PLCG1: variants seen among roughly 807,000 people sequenced by gnomAD.
The protein encoded by PLCG1 is phospholipase C gamma 1, also known as 1-phosphatidylinositol 4,5-bisphosphate phosphodiesterase gamma-1.
Under a neutral mutation model 177.8 loss-of-function variants are expected in PLCG1, and 71 were observed. That is an observed-to-expected ratio of 0.40 (90% confidence interval 0.33 to 0.49). The LOEUF (loss-of-function observed/expected upper bound fraction) is 0.49, where lower values mean the gene tolerates loss of function less well. Ranked by LOEUF, PLCG1 falls within the 20% of genes least tolerant of loss-of-function variation. The pLI is 0.72. For missense variants in PLCG1, 1,281 were observed against 1,709.0 expected (o/e 0.75, Z 4.42); for synonymous variants, 658 against 647.9 (o/e 1.02, Z -0.24).
intron 1 of PLCG1, among the ~76,000 whole-genome samples, chr20:41,145,991 G>A (rs2034985153): frequency 6.6e-6 from 1 of 152,180 alleles, no homozygotes; most frequent in Non-Finnish European, 1.5e-5. Flanking sequence ...CTAGGAACCG[G>A]GCCCATCCTG....
chr20:41,171,352 C>T (rs561518733), intron 24 of PLCG1, among the ~76,000 whole-genome samples: 15 of 152,010 alleles, frequency 9.9e-5, no homozygotes, highest in African/African-American at 3.4e-4. Context: ...TTTGGGAGGC[C>T]GAGATGGGCA....
At position 41,169,088 on chromosome 20, in the gene PLCG1, G is replaced by T; in HGVS notation, c.2493G>T (p.Gly831=). 6.2e-7 allele frequency: 1 copy of T among 1,613,552 alleles called. No homozygotes were observed. The highest frequency in any genetic ancestry group is 1.1e-5 in the South Asian group (1 of 91,080). Reference sequence around the variant, plus strand: ...CCTGTGGCTCCCACAGGTGGCGAGGGGACTACGGAGGGAAGAAGCAGCTGT... The same window carrying T: ...CCTGTGGCTCCCACAGGTGGCGAGGTGACTACGGAGGGAAGAAGCAGCTGT... ...VEKQEGGWWR[G]DYGGKKQLWF... The change falls in exon 22 of 32, where the codon GGG becomes GGT. Residue 831 remains glycine (G), a synonymous_variant. Coordinates refer to ENST00000685551, the MANE Select transcript of PLCG1 (RefSeq NM_002660.3).
At chr20:41,155,121 C>A (rs2035279847) in intron 1 of PLCG1, among the ~76,000 whole-genome samples, 1 of 152,236 alleles carries the variant, frequency 6.6e-6, no homozygotes. Flanking sequence ...TCTTCCCAGT[C>A]TCCCTGGCCT....
At chr20:41,161,995 A>T (rs6072289) in intron 4 of PLCG1, among the ~76,000 whole-genome samples, 16,598 of 152,054 alleles carry the variant, frequency 0.11, 1,295 homozygotes, top group Non-Finnish European at 0.16. Context: ...AACTCCCAGC[A>T]TCCCAGTGGG....
chr20:41,168,715 G>T, intron 20 of PLCG1, 52 bp from the exon 21 acceptor site: 1 of 1,129,294 alleles, frequency 8.9e-7, no homozygotes, highest in African/African-American at 1.5e-5. Context: ...CCCCAGGTTG[G>T]CAGTGGCAGG....
In PLCG1 at chr20:41,176,509, C is replaced by T. The variant is rs991354873; in HGVS notation, c.*2000C>T. ...GCCCATCCACGTTGGTTAGGACGTC[C>T]TTGGCGTGTTTGTTAGTGTTGACCC... is the stretch of plus-strand genomic sequence containing the variant. On this transcript the variant is annotated 3_prime_UTR_variant, in exon 32 of 32. Transcript: ENST00000685551. 48 of 152,164 alleles carry T rather than the reference C, an allele frequency of 3.2e-4. No individual in the cohort carries two copies. Among genetic ancestry groups the T allele is most frequent in the African/African-American group, 1.1e-3 (47 of 41,438 alleles). The allele number at this position is 152,164 out of a possible 1,614,324, so 9.4% of individuals were successfully genotyped here. A position where few individuals can be genotyped will look rare whatever the true frequency, so the allele number is the denominator to read the frequency against.
chr20:41,159,120 T>G lies in PLCG1; in HGVS notation c.218-486T>G, dbSNP rs751200090. ...TGCTGAGACTTGTGTGGGGATGGCT[T>G]TAGCAGTTAGGCATTTCAGGGATGC... On this transcript the variant is annotated intron_variant, in intron 1 of 31. Coordinates refer to ENST00000685551, the MANE Select transcript of PLCG1 (RefSeq NM_002660.3). The surrounding 1 kb of genome is among the most constrained non-coding windows in gnomAD (Gnocchi z 6.0). Among the ~76,000 whole-genome samples the G allele has an allele frequency of 3.3e-5, 5 of 152,110 alleles. No homozygotes were observed. The highest frequency in any genetic ancestry group is 7.4e-5 in the Non-Finnish European group (5 of 68,014).
chr20:41,145,630 G>C (rs916441141), intron 1 of PLCG1, among the ~76,000 whole-genome samples: 8 of 152,146 alleles, frequency 5.3e-5, no homozygotes, highest in African/African-American at 1.9e-4. Context: ...TTTGCTGGGT[G>C]TGCTGAAGTC....
chr20:41,147,843 G>A lies in PLCG1; in HGVS notation c.217+9985G>A, dbSNP rs1293168204. Among the ~76,000 whole-genome samples the A allele has an allele frequency of 2.0e-5, 3 of 151,372 alleles. No individual in the cohort carries two copies. The highest frequency in any genetic ancestry group is 4.9e-5 in the African/African-American group (2 of 41,186). Reference sequence around the variant, plus strand: ...AGCCTGGGTGACAGAGCAAGACTCTGTCTCTTTAAAAAAAAAAAAAAATTT... The same window carrying A: ...AGCCTGGGTGACAGAGCAAGACTCTATCTCTTTAAAAAAAAAAAAAAATTT... On this transcript the variant is annotated intron_variant, in intron 1 of 31. Coordinates refer to ENST00000685551, the MANE Select transcript of PLCG1 (RefSeq NM_002660.3). This position sits in a 1 kb window ranked among gnomAD's most constrained non-coding sequence, Gnocchi z 4.0.
Position 41,148,617 on chromosome 20 carries a change from T to G in PLCG1, c.217+10759T>G, listed in dbSNP as rs1175883302. Among the ~76,000 whole-genome samples, 1 of 152,204 alleles carries G rather than the reference T, an allele frequency of 6.6e-6. No individual in the cohort carries two copies. The highest frequency in any genetic ancestry group is 1.5e-5 in the Non-Finnish European group (1 of 68,036). ...TTGAATAAGGTCCCCAAAACCTTAT[T>G]AAGTTCCTGGTAGGCATGGAGCATT... On this transcript the variant is annotated intron_variant, in intron 1 of 31. Transcript: ENST00000685551. The surrounding 1 kb of genome is among the most constrained non-coding windows in gnomAD (Gnocchi z 4.3).
chr20:41,166,519 C>T lies in PLCG1; in HGVS notation c.2044C>T (p.Leu682=). Residue 682 remains leucine, a synonymous_variant, in exon 18 of 32, where the codon CTA becomes TTA. Coordinates refer to ENST00000685551, the MANE Select transcript of PLCG1 (RefSeq NM_002660.3). This position sits in a 1 kb window ranked among gnomAD's most constrained non-coding sequence, Gnocchi z 8.6. ...GACCAGAGCACAGGCTGAGCACATG[C>T]TAATGCGCGTCCCTCGTGATGGGGC... ...SLTRAQAEHM[L]MRVPRDGAFL... is the part of the protein sequence containing the mutation. 6.2e-7 allele frequency: 1 copy of T among 1,614,136 alleles called. No homozygotes were observed. The highest frequency in any genetic ancestry group is 8.5e-7 in the Non-Finnish European group (1 of 1,180,038).
In PLCG1 at chr20:41,159,387, C is replaced by A. The variant is rs1222152225; in HGVS notation, c.218-219C>A. On this transcript the variant is annotated intron_variant, in intron 1 of 31. Coordinates refer to ENST00000685551, the MANE Select transcript of PLCG1 (RefSeq NM_002660.3). This position sits in a 1 kb window ranked among gnomAD's most constrained non-coding sequence, Gnocchi z 6.0. ...ACACCCCACAGAACCACCTTTCCCC[C>A]ATATAGCCCTCTCTGACATCTCAGC... 1.3e-5 allele frequency among the ~76,000 whole-genome samples: 2 copies of A among 152,140 alleles called. No homozygotes were observed. The highest frequency in any genetic ancestry group is 2.4e-5 in the African/African-American group (1 of 41,414).
chr20:41,156,307 A>G lies in PLCG1; in HGVS notation c.218-3299A>G, dbSNP rs1199651019. 2.0e-5 allele frequency among the ~76,000 whole-genome samples: 3 copies of G among 152,202 alleles called. No homozygotes were observed. The highest frequency in any genetic ancestry group is 4.8e-5 in the African/African-American group (2 of 41,444). ...CCCAGGCCATTCCTGAAGCCCAGGC[A>G]GCATTCACTGTGGGCTTGGGGACAT... is the stretch of plus-strand genomic sequence containing the variant. On this transcript the variant is annotated intron_variant, in intron 1 of 31. Coordinates refer to ENST00000685551, the MANE Select transcript of PLCG1 (RefSeq NM_002660.3). This position sits in a 1 kb window ranked among gnomAD's most constrained non-coding sequence, Gnocchi z 5.0.
chr20:41,142,857 G>A (rs750702169), intron 1 of PLCG1, among the ~76,000 whole-genome samples: 2 of 152,194 alleles, frequency 1.3e-5, no homozygotes, highest in Non-Finnish European at 2.9e-5. Context: ...TGCTTACTAC[G>A]TAGGATCCCT....
At chr20:41,171,707 T>C (rs1600675709) in intron 24 of PLCG1, among the ~76,000 whole-genome samples, 1 of 143,588 alleles carries the variant, frequency 7.0e-6, no homozygotes, top group African/African-American at 2.6e-5. Flanking sequence ...GAAGAGTGGG[T>C]GGTTATATTT....
chr20:41,141,077 T>A (rs1030148547), intron 1 of PLCG1, among the ~76,000 whole-genome samples: 5 of 152,210 alleles, frequency 3.3e-5, no homozygotes, highest in African/African-American at 1.2e-4. Flanking sequence ...AGGCTCTGGC[T>A]CCACACTTTT....
rs970777579 is a variant in PLCG1, at chr20:41,175,544, A to G, written c.*1035A>G. On this transcript the variant is annotated 3_prime_UTR_variant, in exon 32 of 32. Coordinates refer to ENST00000685551, the MANE Select transcript of PLCG1 (RefSeq NM_002660.3). ...TGGGAAGGTTAGAAAGGCAGCCCTC[A>G]CCTCTGAGGACAGAGGCCGGGGTCC... 1.3e-5 allele frequency: 2 copies of G among 152,518 alleles called. No individual in the cohort carries two copies. Among genetic ancestry groups the G allele is most frequent in the Non-Finnish European group, 2.9e-5 (2 of 68,052 alleles). 9.4% of individuals were successfully genotyped at this position (152,518 alleles called of 1,614,324 possible). A position where few individuals can be genotyped will look rare whatever the true frequency, so the allele number is the denominator to read the frequency against.
rs1406351693 is a variant in PLCG1, at chr20:41,164,214, C to T, written c.1217+13C>T. 6.2e-7 allele frequency: 1 copy of T among 1,613,722 alleles called. No homozygotes were observed. The highest frequency in any genetic ancestry group is 8.5e-7 in the Non-Finnish European group (1 of 1,179,914). On this transcript the variant is annotated intron_variant, in intron 12 of 31. Coordinates refer to ENST00000685551, the MANE Select transcript of PLCG1 (RefSeq NM_002660.3). The surrounding 1 kb of genome is among the most constrained non-coding windows in gnomAD (Gnocchi z 6.4). ...TTGTGGCCTCAGAGTGAGTCGGAGG[C>T]TGGATGACCCAGGGGTTAACTTGGC...
In PLCG1 at chr20:41,173,787, CT is replaced by C. The variant is rs1252663292; in HGVS notation, c.3533del (p.Phe1178SerfsTer3). 6.2e-7 allele frequency: 1 copy of C among 1,614,058 alleles called. No homozygotes were observed. Among genetic ancestry groups the C allele is most frequent in the Admixed American group, 1.7e-5 (1 of 60,014 alleles). On this transcript the variant is annotated frameshift_variant, in exon 29 of 32. Transcript: ENST00000685551. LOFTEE classifies it high-confidence loss of function. This position sits in a 1 kb window ranked among gnomAD's most constrained non-coding sequence, Gnocchi z 6.2. ...FSDQNFLAQA[T>X]FPVKGLKTGY... ...GACCAGAATTTCCTGGCTCAGGCTA[CT>C]TTCCCAGTAAAAGGCCTGAAGACAG...
Sources: allele counts gnomAD v4.1 joint callset (sites outside exome capture counted in the v4.1 genomes callset), GRCh38; gene constraint gnomAD v4.1.1; non-coding constraint Gnocchi (gnomAD v3.1); transcripts MANE v1.5; gene names NCBI Gene and HGNC (gene_info 2026-07-23, HGNC 2026-07-21).